DYM: variants seen among roughly 807,000 people sequenced by gnomAD.
The protein encoded by DYM is dyggve-Melchior-Clausen syndrome protein.
A neutral mutation model predicts 93.1 loss-of-function variants in DYM; 78 were observed. The observed-to-expected ratio is 0.84, with a 90% confidence interval of 0.70 to 1.01. The LOEUF is 1.01. Ranked by LOEUF, DYM falls within the 50% of genes least tolerant of loss-of-function variation. The pLI, the probability that DYM is intolerant of heterozygous loss-of-function variation, is 0.00. For synonymous variants in DYM, 321 were observed against 319.7 expected (o/e 1.00, Z -0.04); for missense variants, 789 against 845.0 (o/e 0.93, Z 0.82).
chr18:49,398,356 T>G (rs367900356), intron 2 of DYM, among the ~76,000 whole-genome samples: 8 of 152,162 alleles, frequency 5.3e-5, no homozygotes, highest in African/African-American at 1.2e-4. Flanking sequence ...CAGACAGATA[T>G]GTGCAGCATG....
intron 14 of DYM, among the ~76,000 whole-genome samples, chr18:49,201,042 G>A (rs1376086761): frequency 6.6e-6 from 1 of 152,050 alleles, no homozygotes. Flanking sequence ...ATTTTTAAAT[G>A]GTTGGACAGT....
At chr18:49,094,223 G>C (rs1184560093) in intron 17 of DYM, among the ~76,000 whole-genome samples, 3 of 152,148 alleles carry the variant, frequency 2.0e-5, no homozygotes, top group African/African-American at 7.2e-5. Context: ...TAAAATCTGA[G>C]GTGGTAGTGG....
intron 10 of DYM, among the ~76,000 whole-genome samples, chr18:49,278,358 A>G (rs113935504): frequency 0.011 from 1,638 of 152,338 alleles, 28 homozygotes; most frequent in African/African-American, 0.038. Flanking sequence ...AGACTGCTGG[A>G]GGCCTAAGGG....
At chr18:49,206,881 C>A (rs1476424632) in intron 14 of DYM, among the ~76,000 whole-genome samples, 3 of 152,020 alleles carry the variant, frequency 2.0e-5, no homozygotes, top group Admixed American at 1.3e-4. Context: ...GGAGGGGGTT[C>A]CAGGAAAGGT....
chr18:49,044,708 CG>C (rs1216514626), intron 17 of DYM, among the ~76,000 whole-genome samples: 1 of 152,132 alleles, frequency 6.6e-6, no homozygotes, highest in African/African-American at 2.4e-5. Context: ...TCTGGAGGAG[CG>C]GGGGTCTGGG....
At chr18:49,122,544 T>A (rs1014773425) in intron 15 of DYM, among the ~76,000 whole-genome samples, 2 of 152,212 alleles carry the variant, frequency 1.3e-5, no homozygotes, top group Non-Finnish European at 2.9e-5. Context: ...GGGGAGCAGC[T>A]GCAAATACAG....
rs575131676 is a variant in DYM at position 49,097,638 on chromosome 18, T to G, written c.1912-123A>C. ...TTCCTACAGTGACCCGGCTTTTAAT[T>G]CACTAGCCCTCCTAAACGCAGTTTG... On this transcript the variant is annotated intron_variant, in intron 16 of 17. Coordinates refer to ENST00000675505, the MANE Select transcript of DYM (RefSeq NM_001353214.3). The G allele has an allele frequency of 3.5e-6, 3 of 868,200 alleles. No homozygotes were observed. In the South Asian group the frequency reaches 4.3e-5, roughly 12 times the overall value. The allele number at this position is 868,200 out of a possible 1,614,324, so 53.8% of individuals were successfully genotyped here.
rs1048851892 is a variant in DYM, at chr18:49,043,203, C to T, written c.*852G>A. ...GGAGTGTACTGGCACGTTCTTAGCTCACTGCAGCCTTGAACTCCTGGGCTC... is the reference window on the plus strand; with the variant it reads ...GGAGTGTACTGGCACGTTCTTAGCTTACTGCAGCCTTGAACTCCTGGGCTC... On this transcript the variant is annotated 3_prime_UTR_variant, in exon 18 of 18. Transcript: ENST00000675505. 6.6e-6 allele frequency: 1 copy of T among 151,528 alleles called. No homozygotes were observed. The highest frequency in any genetic ancestry group is 1.5e-5 in the Non-Finnish European group (1 of 67,972). 9.4% of individuals were successfully genotyped at this position (151,528 alleles called of 1,614,324 possible).
chr18:49,457,593 T>C (rs890363949), intron 1 of DYM, among the ~76,000 whole-genome samples: 1 of 152,200 alleles, frequency 6.6e-6, no homozygotes, highest in Non-Finnish European at 1.5e-5. Flanking sequence ...TCTCGTTGCA[T>C]GTACAGCAGC....
intron 13 of DYM, among the ~76,000 whole-genome samples, chr18:49,233,654 T>G (rs1252036340): frequency 6.6e-6 from 1 of 152,178 alleles, no homozygotes; most frequent in Non-Finnish European, 1.5e-5. Flanking sequence ...CTGTTGACTG[T>G]TCCCCAATGA....
At chr18:49,317,635 TA>T (rs1381290167) in intron 8 of DYM, among the ~76,000 whole-genome samples, 3 of 48,274 alleles carry the variant, frequency 6.2e-5, no homozygotes, top group South Asian at 1.2e-3. Flanking sequence ...CTCCCTCTCC[TA>T]TCCTCTCCTC....
At chr18:49,348,801 C>A (rs1476489034) in intron 6 of DYM, among the ~76,000 whole-genome samples, 1 of 147,720 alleles carries the variant, frequency 6.8e-6, no homozygotes, top group East Asian at 2.1e-4. Context: ...CCCAGCTACT[C>A]GGGAGGCTGA....
chr18:49,236,610 T>C (rs987305728), intron 13 of DYM, among the ~76,000 whole-genome samples: 5 of 152,216 alleles, frequency 3.3e-5, no homozygotes, highest in Non-Finnish European at 7.4e-5. Context: ...AATTGCTTTA[T>C]AAATGGCAAG....
intron 17 of DYM, among the ~76,000 whole-genome samples, chr18:49,079,401 T>A (rs915118796): frequency 3.5e-4 from 53 of 152,008 alleles, no homozygotes; most frequent in Non-Finnish European, 5.0e-4. Flanking sequence ...TTCTTTTTTT[T>A]TTTTTTTATT....
chr18:49,403,581 A>AT lies in DYM; in HGVS notation c.141-11937dup, dbSNP rs201256844. ...AGACTTTTTTAAGTCTAGGTTTTTT[A>AT]TTTTTTTTAAATTTCAACTTTTATT... is the stretch of plus-strand genomic sequence containing the variant. On this transcript the variant is annotated intron_variant, in intron 2 of 17. Transcript: ENST00000675505. 3.9e-4 allele frequency among the ~76,000 whole-genome samples: 60 copies of AT among 152,126 alleles called. No individual in the cohort carries two copies. The East Asian group carries it at 0.01, about 26-fold the overall frequency.
intron 1 of DYM, among the ~76,000 whole-genome samples, chr18:49,455,035 C>T (rs1416583306): frequency 1.3e-5 from 2 of 151,680 alleles, no homozygotes; most frequent in Non-Finnish European, 2.9e-5. Context: ...CACTCCTTAA[C>T]CCACAAAAAA....
chr18:49,362,847 G>C (rs548063450), intron 6 of DYM, among the ~76,000 whole-genome samples: 1 of 152,316 alleles, frequency 6.6e-6, no homozygotes, highest in South Asian at 2.1e-4. Context: ...ATATGAAGTA[G>C]ATTCAAACTG....
intron 15 of DYM, among the ~76,000 whole-genome samples, chr18:49,148,248 A>G (rs1600143025): frequency 6.6e-6 from 1 of 152,036 alleles, no homozygotes; most frequent in Non-Finnish European, 1.5e-5. Context: ...TGTTAAATGA[A>G]GAGTTAATGG....
intron 16 of DYM, among the ~76,000 whole-genome samples, chr18:49,107,549 G>A (rs2080963090): frequency 6.6e-6 from 1 of 152,206 alleles, no homozygotes; most frequent in East Asian, 1.9e-4. Flanking sequence ...ATCTACCTTT[G>A]GTCTTTGATG....
Sources: allele counts gnomAD v4.1 joint callset (sites outside exome capture counted in the v4.1 genomes callset), GRCh38; gene constraint gnomAD v4.1.1; transcripts MANE v1.5; gene names NCBI Gene and HGNC (gene_info 2026-07-23, HGNC 2026-07-21).